The following CACNA1D variants were observed in gnomAD, a reference collection of about 807,000 sequenced individuals.
CACNA1D encodes voltage-dependent L-type calcium channel subunit alpha-1D.
In CACNA1D, 55 loss-of-function variants were observed where a neutral mutation model predicts 257.1. That is an observed-to-expected ratio of 0.21 (90% CI 0.17 to 0.27). The LOEUF (loss-of-function observed/expected upper bound fraction) is 0.27, where lower values mean the gene tolerates loss of function less well. CACNA1D is among the 10% of genes least tolerant of loss of function. The pLI is 1.00. For missense variants in CACNA1D, 1,876 were observed against 2,784.0 expected, an observed-to-expected ratio of 0.67 and a Z score of 7.34; for synonymous variants, 980 against 1,014.9, an observed-to-expected ratio of 0.97 and a Z score of 0.65.
rs536110462 is a variant in CACNA1D at position 53,810,389 on chromosome 3, G to A, written c.6192+91G>A. 485 of 1,295,344 alleles carry A rather than the reference G, an allele frequency of 3.7e-4. 1 individual carries two copies. Among genetic ancestry groups the A allele is most frequent in the Admixed American group, 1.7e-3 (98 of 58,684 alleles). The allele number at this position is 1,295,344 out of a possible 1,614,324, so 80.2% of individuals were successfully genotyped here. ...GCAGGAAGGGCAGTGGTGGGAGGGC[G>A]GCCAGGCTGTGAGCTAGGCTGCCTC... On this transcript the variant is annotated intron_variant, in intron 47 of 47. Transcript: ENST00000350061.
rs1193094705 is a variant in CACNA1D, at chr3:53,786,922, C to T, written c.4893C>T (p.Tyr1631=). 1.2e-6 allele frequency: 2 copies of T among 1,613,910 alleles called. No homozygotes were observed. Among genetic ancestry groups the T allele is most frequent in the Admixed American group, 3.3e-5 (2 of 59,998 alleles). Residue 1631 remains tyrosine (Y), a synonymous_variant, in exon 40 of 48, where the codon TAC becomes TAT. Coordinates refer to ENST00000350061, the MANE Select transcript of CACNA1D (RefSeq NM_001128840.3). ...AAGAACAAGGACTGGTGGGAAAGTA[C>T]CCTGCGAAGAACACCACAATTGCCC... ...KRKEQGLVGK[Y]PAKNTTIALQ...
chr3:53,716,738 T>C (rs1048399586), intron 9 of CACNA1D, among the ~76,000 whole-genome samples: 1 of 152,202 alleles, frequency 6.6e-6, no homozygotes, highest in Non-Finnish European at 1.5e-5. Context: ...TCTTAACTTT[T>C]GACACCCTTG....
intron 3 of CACNA1D, among the ~76,000 whole-genome samples, chr3:53,520,286 C>T (rs1559783879): frequency 6.6e-6 from 1 of 152,166 alleles, no homozygotes; most frequent in African/African-American, 2.4e-5. Flanking sequence ...AATTTCTGTA[C>T]GTCTTTGCTA....
At chr3:53,716,107 C>T (rs1311324499) in intron 9 of CACNA1D, among the ~76,000 whole-genome samples, 1 of 152,212 alleles carries the variant, frequency 6.6e-6, no homozygotes, top group Non-Finnish European at 1.5e-5. Flanking sequence ...CAGAAGTTTG[C>T]TCTTTTGAAA....
intron 3 of CACNA1D, among the ~76,000 whole-genome samples, chr3:53,640,006 C>G (rs2093932580): frequency 6.6e-6 from 1 of 151,782 alleles, no homozygotes; most frequent in South Asian, 2.1e-4. Context: ...GGATTACAGA[C>G]TCGTGCCACC....
At chr3:53,786,725 CACTCTGCCCCTG>C in intron 39 of CACNA1D, 85 bp from the exon 40 acceptor site, 1 of 585,358 alleles carries the variant, frequency 1.7e-6, no homozygotes. Context: ...CCACCCGCCC[CACTCTGCCCCTG>C]CCCCTGCCCC....
In CACNA1D at chr3:53,775,873, T is replaced by A. The variant is rs1403036161; in HGVS notation, c.4203-13T>A. On this transcript the variant is annotated splice_polypyrimidine_tract_variant and intron_variant, in intron 34 of 47. Transcript: ENST00000350061. ...TCCCCCACTAAAGCCCCTTTGTTCT[T>A]CATCTGAAAAAGGTGTGCAACAGGT... The A allele has an allele frequency of 6.2e-7, 1 of 1,613,810 alleles. No homozygotes were observed. The highest frequency in any genetic ancestry group is 8.5e-7 in the Non-Finnish European group (1 of 1,179,782).
At position 53,806,854 on chromosome 3, in the gene CACNA1D, G is replaced by A. The variant is rs139393122; in HGVS notation, c.5749+1708G>A. Among the ~76,000 whole-genome samples, 985 of 152,250 alleles carry A rather than the reference G, an allele frequency of 6.5e-3. 3 individuals carry two copies. The highest frequency in any genetic ancestry group is 0.01 in the Non-Finnish European group (709 of 68,008). On this transcript the variant is annotated intron_variant, in intron 45 of 47. Transcript: ENST00000350061. ...TAAATACTAGATGAAGCAGATGCAG[G>A]TGAGGCCGGGTGATGGCCCTCGCCC... is the stretch of plus-strand genomic sequence containing the variant.
intron 21 of CACNA1D, among the ~76,000 whole-genome samples, chr3:53,740,968 A>G (rs1030323053): frequency 6.6e-6 from 1 of 152,190 alleles, no homozygotes; most frequent in Admixed American, 6.5e-5. Flanking sequence ...ATTTGTGTTA[A>G]GGTATTTTCT....
intron 4 of CACNA1D, among the ~76,000 whole-genome samples, chr3:53,657,348 A>G (rs1301092527): frequency 6.6e-6 from 1 of 152,110 alleles, no homozygotes; most frequent in African/African-American, 2.4e-5. Flanking sequence ...CTCTACCGAT[A>G]AACAGCCAAT....
At chr3:53,679,568 C>G (rs1358114114) in intron 8 of CACNA1D, 1 of 152,116 alleles carries the variant, frequency 6.6e-6, no homozygotes, top group Non-Finnish European at 1.5e-5. Flanking sequence ...CCAGTGGCTA[C>G]TAAGGCACAC....
At chr3:53,656,161 A>T (rs1452411968) in intron 4 of CACNA1D, among the ~76,000 whole-genome samples, 1 of 152,176 alleles carries the variant, frequency 6.6e-6, no homozygotes, top group African/African-American at 2.4e-5. Context: ...TATGAGCACC[A>T]TGCTGTTTTG....
chr3:53,776,789 T>G, intron 36 of CACNA1D, 59 bp downstream of exon 36: 1 of 1,614,072 alleles, frequency 6.2e-7, no homozygotes, highest in Non-Finnish European at 8.5e-7. Flanking sequence ...GTCAGCTTTT[T>G]TTGTGGAGTG....
At chr3:53,596,571 C>G (rs1330976221) in intron 3 of CACNA1D, among the ~76,000 whole-genome samples, 2 of 152,116 alleles carry the variant, frequency 1.3e-5, no homozygotes, top group Non-Finnish European at 2.9e-5. Flanking sequence ...ATGGGCCTAC[C>G]CAATCCTTAC....
chr3:53,610,237 C>T (rs1334360044), intron 3 of CACNA1D, among the ~76,000 whole-genome samples: 1 of 152,098 alleles, frequency 6.6e-6, no homozygotes, highest in African/African-American at 2.4e-5. Flanking sequence ...TTTATAAATG[C>T]CAGGTTCTAT....
chr3:53,781,744 G>C (rs1165250360), intron 39 of CACNA1D, 77 bp downstream of exon 39: 1 of 993,234 alleles, frequency 1.0e-6, no homozygotes, highest in Admixed American at 1.7e-5. Context: ...AAAGTCCAGA[G>C]AGTGTTTGCA....
intron 3 of CACNA1D, among the ~76,000 whole-genome samples, chr3:53,616,948 A>G (rs1390629719): frequency 2.0e-5 from 3 of 151,990 alleles, no homozygotes; most frequent in Non-Finnish European, 4.4e-5. Flanking sequence ...TCACAGTAGG[A>G]GTTTTGCACG....
chr3:53,514,687 C>G (rs938907182), intron 3 of CACNA1D, among the ~76,000 whole-genome samples: 1 of 152,134 alleles, frequency 6.6e-6, no homozygotes, highest in African/African-American at 2.4e-5. Context: ...TGTCGTTAGC[C>G]TTAGCTGTAG....
At chr3:53,529,373 T>A (rs572899155) in intron 3 of CACNA1D, among the ~76,000 whole-genome samples, 24 of 152,360 alleles carry the variant, frequency 1.6e-4, no homozygotes, top group African/African-American at 5.5e-4. Flanking sequence ...TGATATATTA[T>A]CCTTTTTATA....
Sources: gnomAD v4.1 joint callset for allele counts (sites outside exome capture counted in the v4.1 genomes callset) on GRCh38, gnomAD v4.1.1 for gene constraint, MANE v1.5 for transcripts, NCBI Gene and HGNC (gene_info 2026-07-23, HGNC 2026-07-21) for gene names.